The following BAZ2B variants were observed in gnomAD, a reference collection of about 807,000 sequenced individuals.
BAZ2B encodes bromodomain adjacent to zinc finger domain protein 2B.
In BAZ2B, 91 loss-of-function variants were observed where a neutral mutation model predicts 246.0. The ratio of observed to expected loss-of-function variants is 0.37; its 90% CI spans 0.31 to 0.44. The LOEUF (loss-of-function observed/expected upper bound fraction) is 0.44, where lower values mean the gene tolerates loss of function less well. Ranked by LOEUF, BAZ2B falls within the 20% of genes least tolerant of loss-of-function variation. BAZ2B has a pLI of 1.00. For missense variants in BAZ2B, 2,332 were observed against 2,533.7 expected, an observed-to-expected ratio of 0.92 and a Z score of 1.71; for synonymous variants, 855 against 860.0, an observed-to-expected ratio of 0.99 and a Z score of 0.10.
intron 3 of BAZ2B, among the ~76,000 whole-genome samples, chr2:159,477,830 GA>G (rs1190839511): frequency 6.6e-6 from 1 of 152,092 alleles, no homozygotes; most frequent in Non-Finnish European, 1.5e-5. Context: ...TTTCACGTTT[GA>G]AATAAAGCTC....
the BAZ2B span, among the ~76,000 whole-genome samples, chr2:159,682,914 C>CG: frequency 3.7e-5 from 5 of 136,572 alleles, no homozygotes; most frequent in Admixed American, 7.0e-5. Context: ...ACCCCTCCCC[C>CG]CCCCCACACA....
chr2:159,462,556 C>T (rs1276348598), intron 3 of BAZ2B: 16 of 885,718 alleles, frequency 1.8e-5, no homozygotes, highest in Non-Finnish European at 2.9e-5. Flanking sequence ...TTTCTGCATT[C>T]TCTATGATTT....
At chr2:159,573,813 A>G (rs1305035179) in intron 1 of BAZ2B, among the ~76,000 whole-genome samples, 2 of 152,214 alleles carry the variant, frequency 1.3e-5, no homozygotes, top group Non-Finnish European at 2.9e-5. Context: ...ATTAAAAACA[A>G]CACAGCCAGG....
Position 159,376,611 on chromosome 2 carries a change from T to C in BAZ2B, c.4006-1858A>G, listed in dbSNP as rs3771700. Among the ~76,000 whole-genome samples the C allele has an allele frequency of 3.0e-4, 46 of 152,340 alleles. No individual in the cohort carries two copies. The East Asian group carries it at 7.7e-3, about 26-fold the overall frequency. ...CTTGACTTTTATGTGAATATTTATA[T>C]ATAGATTCTAAAATGATCTTCTGAT... On this transcript the variant is annotated intron_variant, in intron 25 of 36. Coordinates refer to ENST00000392783, the MANE Select transcript of BAZ2B (RefSeq NM_013450.4).
At chr2:159,484,929 A>C (rs2079654323) in intron 2 of BAZ2B, among the ~76,000 whole-genome samples, 1 of 152,236 alleles carries the variant, frequency 6.6e-6, no homozygotes, top group African/African-American at 2.4e-5. Flanking sequence ...TTTTTAAAGA[A>C]TGATTTTATT....
intron 2 of BAZ2B, among the ~76,000 whole-genome samples, chr2:159,482,135 C>CA (rs35050934): frequency 0.77 from 110,691 of 143,602 alleles, 42,805 homozygotes; most frequent in Non-Finnish European, 0.84. Context: ...AAAAAACAAA[C>CA]AAAAAAAAAA....
chr2:159,523,675 G>A (rs574033636), intron 2 of BAZ2B, among the ~76,000 whole-genome samples: 4 of 152,286 alleles, frequency 2.6e-5, no homozygotes, highest in East Asian at 3.9e-4. Flanking sequence ...CCCAGCCTGG[G>A]TGACAGAGTG....
chr2:159,426,059 G>T (rs984694296), intron 13 of BAZ2B, among the ~76,000 whole-genome samples: 11 of 152,094 alleles, frequency 7.2e-5, no homozygotes, highest in African/African-American at 2.7e-4. Context: ...TCAAAATTAC[G>T]AATGTTTTCC....
the BAZ2B span, among the ~76,000 whole-genome samples, chr2:159,649,083 C>T: frequency 1.3e-5 from 2 of 152,106 alleles, no homozygotes; most frequent in African/African-American, 2.4e-5. Flanking sequence ...TGATGTTGAG[C>T]ATTTTTATAT....
chr2:159,634,124 ACAAC>A, the BAZ2B span, among the ~76,000 whole-genome samples: 2 of 152,208 alleles, frequency 1.3e-5, no homozygotes, highest in Non-Finnish European at 2.9e-5. Flanking sequence ...CTTTAATAAG[ACAAC>A]CAAGATCAGA....
chr2:159,689,174 C>T, the BAZ2B span: 1 of 423,706 alleles, frequency 2.4e-6, no homozygotes, highest in Admixed American at 3.7e-5. Flanking sequence ...ATTTTTCTCA[C>T]AAATAGGACT....
the BAZ2B span, among the ~76,000 whole-genome samples, chr2:159,662,561 G>A: frequency 6.6e-6 from 1 of 152,164 alleles, no homozygotes; most frequent in South Asian, 2.1e-4. Context: ...AAGGCTTGCT[G>A]TAGCCCAGGC....
the BAZ2B span, among the ~76,000 whole-genome samples, chr2:159,630,883 T>C: frequency 2.0e-5 from 3 of 152,272 alleles, no homozygotes; most frequent in Admixed American, 1.3e-4. Context: ...TGTAACACTG[T>C]TGCAAGCACA....
intron 27 of BAZ2B, among the ~76,000 whole-genome samples, chr2:159,351,066 TAAA>T (rs780819111): frequency 8.6e-5 from 13 of 151,878 alleles, no homozygotes; most frequent in Non-Finnish European, 1.6e-4. Flanking sequence ...ATAATAATAA[TAAA>T]AAATTAAAAT....
chr2:159,468,529 C>T (rs921905654), intron 3 of BAZ2B, among the ~76,000 whole-genome samples: 1 of 152,052 alleles, frequency 6.6e-6, no homozygotes, highest in Non-Finnish European at 1.5e-5. Flanking sequence ...AAATGGATAT[C>T]GATTTTAAAA....
the BAZ2B span, among the ~76,000 whole-genome samples, chr2:159,652,757 A>G: frequency 6.6e-6 from 1 of 151,892 alleles, no homozygotes; most frequent in South Asian, 2.1e-4. Flanking sequence ...AGTTGGAACT[A>G]CAGGTGTGTG....
upstream of BAZ2B, among the ~76,000 whole-genome samples, chr2:159,617,534 A>G (rs1696228602): frequency 6.6e-6 from 1 of 152,118 alleles, no homozygotes; most frequent in African/African-American, 2.4e-5. Flanking sequence ...AGAAAGTCTC[A>G]AAGTTCATAT....
the BAZ2B span, among the ~76,000 whole-genome samples, chr2:159,703,189 C>T: frequency 6.6e-6 from 1 of 151,886 alleles, no homozygotes; most frequent in African/African-American, 2.4e-5. Flanking sequence ...TGGATTCAAG[C>T]AATTCTCCCT....
the BAZ2B span, among the ~76,000 whole-genome samples, chr2:159,711,376 T>C: frequency 6.6e-6 from 1 of 152,238 alleles, no homozygotes; most frequent in African/African-American, 2.4e-5. Flanking sequence ...TTATAGTATT[T>C]TAGAATTTAT....
Sources: gnomAD v4.1 joint callset for allele counts (sites outside exome capture counted in the v4.1 genomes callset) on GRCh38, gnomAD v4.1.1 for gene constraint, MANE v1.5 for transcripts, NCBI Gene and HGNC (gene_info 2026-07-23, HGNC 2026-07-21) for gene names.